KCNH5: variants seen among roughly 807,000 people sequenced by gnomAD.
KCNH5 encodes the protein voltage-gated delayed rectifier potassium channel KCNH5.
A neutral mutation model predicts 96.1 loss-of-function variants in KCNH5; 46 were observed. The observed-to-expected ratio is 0.48, with a 90% CI of 0.38 to 0.61. The LOEUF (loss-of-function observed/expected upper bound fraction) is 0.61, where lower values mean the gene tolerates loss of function less well. KCNH5 is among the 20% of genes least tolerant of loss of function. The probability of loss-of-function intolerance (pLI) is 0.00; values close to 1 mark genes in which losing one functional copy is unlikely to be tolerated. For missense variants in KCNH5, 907 were observed against 1,225.8 expected, an observed-to-expected ratio of 0.74 and a Z score of 3.88; for synonymous variants, 439 against 449.8, an observed-to-expected ratio of 0.98 and a Z score of 0.30.
At chr14:62,902,445 G>A (rs1031891641) in intron 7 of KCNH5, among the ~76,000 whole-genome samples, 7 of 152,036 alleles carry the variant, frequency 4.6e-5, no homozygotes, top group South Asian at 2.1e-4. Context: ...TTAAAAAGTA[G>A]ACATTATGGG....
At chr14:63,021,646 C>A (rs1891429045) in intron 1 of KCNH5, among the ~76,000 whole-genome samples, 1 of 152,100 alleles carries the variant, frequency 6.6e-6, no homozygotes, top group Non-Finnish European at 1.5e-5. Context: ...ATCTCCTCAG[C>A]TCCTGTTCAC....
chr14:62,929,203 C>G lies in KCNH5; in HGVS notation c.1369+20930G>C, dbSNP rs2140114523. Among the ~76,000 whole-genome samples, 2 of 134,780 alleles carry G rather than the reference C, an allele frequency of 1.5e-5. 1 individual carries two copies. The highest frequency in any genetic ancestry group is 3.4e-5 in the Non-Finnish European group (2 of 59,212). The allele number at this position is 134,780 out of a possible 152,430, so 88.4% of individuals were successfully genotyped here. A position where few individuals can be genotyped will look rare whatever the true frequency, so the allele number is the denominator to read the frequency against. On this transcript the variant is annotated intron_variant, in intron 7 of 10. Transcript: ENST00000322893. ...CTGATTTCTCTCTGATTTTAACAAC[C>G]ACCCCCCGCATCTAGTCTGTCAGCA...
chr14:62,871,306 C>T (rs1046722652), intron 7 of KCNH5, among the ~76,000 whole-genome samples: 2 of 152,104 alleles, frequency 1.3e-5, no homozygotes, highest in Admixed American at 6.6e-5. Flanking sequence ...TGCTATAAGA[C>T]GAACTCACTG....
intron 1 of KCNH5, among the ~76,000 whole-genome samples, chr14:63,018,350 T>C (rs946476391): frequency 1.3e-5 from 2 of 151,962 alleles, no homozygotes; most frequent in African/African-American, 4.8e-5. Flanking sequence ...CTTTAATTGA[T>C]GGAGTGATAA....
At chr14:62,978,725 A>G (rs2139565733) in intron 6 of KCNH5, among the ~76,000 whole-genome samples, 1 of 152,100 alleles carries the variant, frequency 6.6e-6, no homozygotes, top group South Asian at 2.1e-4. Flanking sequence ...ACATAGTTAT[A>G]AATGTATTAT....
intron 5 of KCNH5, among the ~76,000 whole-genome samples, chr14:62,981,826 TTG>T (rs1260348254): frequency 6.6e-6 from 1 of 152,208 alleles, no homozygotes; most frequent in African/African-American, 2.4e-5. Flanking sequence ...TTAAAGAATA[TTG>T]TGTTTCTTGC....
intron 7 of KCNH5, among the ~76,000 whole-genome samples, chr14:62,891,457 G>A (rs182185823): frequency 1.1e-3 from 164 of 152,130 alleles, no homozygotes; most frequent in Middle Eastern, 3.4e-3. Flanking sequence ...TATTGGTACT[G>A]GGCTTCATTC....
intron 9 of KCNH5, among the ~76,000 whole-genome samples, chr14:62,793,285 A>G (rs1360178122): frequency 6.6e-6 from 1 of 151,830 alleles, no homozygotes; most frequent in African/African-American, 2.4e-5. Context: ...TTAAGAGGGT[A>G]GATCTCATAT....
At chr14:62,975,989 C>A (rs940812170) in intron 6 of KCNH5, among the ~76,000 whole-genome samples, 1 of 151,004 alleles carries the variant, frequency 6.6e-6, no homozygotes, top group African/African-American at 2.4e-5. Context: ...GCAAACTAGA[C>A]CTTAAGCAAG....
At chr14:62,805,780 G>A (rs989314177) in intron 8 of KCNH5, among the ~76,000 whole-genome samples, 2 of 152,062 alleles carry the variant, frequency 1.3e-5, no homozygotes, top group Admixed American at 6.6e-5. Context: ...AGTGACTTTT[G>A]TTTGTTTTCA....
chr14:62,871,145 T>C (rs1242032755), intron 7 of KCNH5, among the ~76,000 whole-genome samples: 1 of 152,222 alleles, frequency 6.6e-6, no homozygotes, highest in Non-Finnish European at 1.5e-5. Flanking sequence ...TTATTGGGTA[T>C]TATTCAATAT....
intron 7 of KCNH5, among the ~76,000 whole-genome samples, chr14:62,900,444 T>C (rs886667847): frequency 1.3e-5 from 2 of 152,216 alleles, no homozygotes; most frequent in Non-Finnish European, 2.9e-5. Flanking sequence ...CAACAAAATT[T>C]TTAAATCTTC....
rs143775193 is a variant in KCNH5, at chr14:62,779,777, G to A, written c.1970C>T (p.Ala657Val). The change falls in exon 10 of 11, where the codon GCA becomes GTA. Residue 657 changes from alanine to valine, a missense_variant. This residue lies in a region of KCNH5 where 57 missense variants were observed against 76.0 expected (regional missense o/e 0.75). Coordinates refer to ENST00000322893, the MANE Select transcript of KCNH5 (RefSeq NM_139318.5). ...AGTGAGATTCCTTGAGAAGGAGTTT[G>A]CAAAAGCTGTATAAAAGTCCAGGAC... ...LKVLDFYTAF[A>V]NSFSRNLTLT... 13 of 1,613,896 alleles carry A rather than the reference G, an allele frequency of 8.1e-6. No individual in the cohort carries two copies. Among genetic ancestry groups the A allele is most frequent in the Non-Finnish European group, 1.0e-5 (12 of 1,179,942 alleles).
chr14:63,011,252 G>A (rs1891220464), intron 2 of KCNH5, among the ~76,000 whole-genome samples: 1 of 152,146 alleles, frequency 6.6e-6, no homozygotes, highest in South Asian at 2.1e-4. Context: ...AGAGGCTGAG[G>A]CGGGCAGATC....
chr14:62,706,741 T>C lies in KCNH5; in HGVS notation c.*767A>G, dbSNP rs1884440218. 6.6e-6 allele frequency: 1 copy of C among 152,168 alleles called. No individual in the cohort carries two copies. Among genetic ancestry groups the C allele is most frequent in the South Asian group, 2.1e-4 (1 of 4,832 alleles). 9.4% of individuals were successfully genotyped at this position (152,168 alleles called of 1,614,324 possible). A position where few individuals can be genotyped will look rare whatever the true frequency, so the allele number is the denominator to read the frequency against. ...AGTGTTTCTATAATAACATACTCTA[T>C]ATTAATAGTTTAGTATTTATGATGT... On this transcript the variant is annotated 3_prime_UTR_variant, in exon 11 of 11. Transcript: ENST00000322893.
chr14:62,755,532 T>C (rs531155892), intron 10 of KCNH5, among the ~76,000 whole-genome samples: 11 of 152,280 alleles, frequency 7.2e-5, no homozygotes, highest in African/African-American at 2.6e-4. Context: ...CTATTTAAAC[T>C]ATTCTTAAAA....
At chr14:62,827,814 T>A (rs1276172347) in intron 8 of KCNH5, among the ~76,000 whole-genome samples, 2 of 152,154 alleles carry the variant, frequency 1.3e-5, no homozygotes, top group Non-Finnish European at 2.9e-5. Flanking sequence ...TTTGTTTCAG[T>A]GATGCTTTCC....
chr14:62,817,640 T>C (rs914708158), intron 8 of KCNH5, among the ~76,000 whole-genome samples: 5 of 150,070 alleles, frequency 3.3e-5, no homozygotes, highest in Admixed American at 2.7e-4. Context: ...GCATATGTTG[T>C]TTCTTACACA....
intron 1 of KCNH5, among the ~76,000 whole-genome samples, chr14:63,043,993 G>A (rs964548201): frequency 6.6e-6 from 1 of 151,894 alleles, no homozygotes; most frequent in Non-Finnish European, 1.5e-5. Flanking sequence ...GTGGTATAAG[G>A]CACCCAAATA....
Sources: gnomAD v4.1 joint callset for allele counts (sites outside exome capture counted in the v4.1 genomes callset) on GRCh38, gnomAD v4.1.1 for gene constraint, gnomAD v4.1.1 regional missense constraint, MANE v1.5 for transcripts, NCBI Gene and HGNC (gene_info 2026-07-23, HGNC 2026-07-21) for gene names.